DPF3: variants seen among roughly 807,000 people sequenced by gnomAD.
DPF3 encodes the protein zinc finger protein DPF3.
In DPF3, 18 loss-of-function variants were observed where a neutral mutation model predicts 56.8. The ratio of observed to expected loss-of-function variants is 0.32; its 90% CI spans 0.22 to 0.47. The LOEUF is 0.47. Among genes scored for constraint, DPF3 ranks in the 20% least tolerant of loss-of-function variants. The pLI is 1.00. For synonymous variants in DPF3, 188 were observed against 180.2 expected (o/e 1.04, Z -0.35); for missense variants, 403 against 488.8 (o/e 0.82, Z 1.65).
Position 72,686,105 on chromosome 14 carries a change from G to C in DPF3, c.742+6971C>G, listed in dbSNP as rs539425528. Among the ~76,000 whole-genome samples the C allele has an allele frequency of 3.3e-5, 5 of 152,354 alleles. No individual in the cohort carries two copies. The South Asian group carries it at 1.0e-3, about 32-fold the overall frequency. On this transcript the variant is annotated intron_variant, in intron 7 of 10. Coordinates refer to ENST00000556509, the MANE Select transcript of DPF3 (RefSeq NM_001280542.3). ...CTTAATAAATATTCATAATGAGCCT[G>C]TTCAGAAGGATCTGTGTCCCATATC...
At position 72,768,458 on chromosome 14, in the gene DPF3, T is replaced by C. The variant is rs1271817299; in HGVS notation, c.193+3275A>G. On this transcript the variant is annotated intron_variant, in intron 2 of 10. Transcript: ENST00000556509. The stretch of plus-strand genomic sequence containing the variant: ...AAGTGGTTACACAAATCTAGACATG[T>C]GATAAAATGGCATAAAGCTACATAT... 2.0e-5 allele frequency among the ~76,000 whole-genome samples: 3 copies of C among 152,222 alleles called. 1 individual carries two copies. The highest frequency in any genetic ancestry group is 2.0e-4 in the Admixed American group (3 of 15,282).
intron 3 of DPF3, among the ~76,000 whole-genome samples, chr14:72,737,274 C>A (rs1889930137): frequency 6.6e-6 from 1 of 151,924 alleles, no homozygotes; most frequent in Non-Finnish European, 1.5e-5. Context: ...CTCTTTAGGG[C>A]TACAGACAGG....
chr14:72,720,448 T>C (rs948473751), intron 5 of DPF3, among the ~76,000 whole-genome samples: 2 of 152,198 alleles, frequency 1.3e-5, no homozygotes, highest in Non-Finnish European at 2.9e-5. Context: ...GGTCCTTCCA[T>C]GGCTCCGTGC....
intron 1 of DPF3, among the ~76,000 whole-genome samples, chr14:72,813,226 G>A (rs529918214): frequency 7.9e-5 from 12 of 152,164 alleles, no homozygotes; most frequent in Non-Finnish European, 1.6e-4. Flanking sequence ...AAATAGGGCT[G>A]GTGAAGAATT....
intron 10 of DPF3, 114 bp from the exon 11 acceptor site, chr14:72,619,481 ACC>A: frequency 8.2e-7 from 1 of 1,212,218 alleles, no homozygotes; most frequent in Non-Finnish European, 1.2e-6. Context: ...CAATGCAGAA[ACC>A]AAGTCCCAGG....
intron 1 of DPF3, among the ~76,000 whole-genome samples, chr14:72,833,931 C>T (rs930575461): frequency 6.6e-6 from 1 of 152,082 alleles, no homozygotes; most frequent in Non-Finnish European, 1.5e-5. Flanking sequence ...CCTGTAATCC[C>T]AGCACTTTGG....
chr14:72,881,719 A>T (rs1263876229), intron 1 of DPF3, among the ~76,000 whole-genome samples: 1 of 152,086 alleles, frequency 6.6e-6, no homozygotes, highest in Admixed American at 6.5e-5. Context: ...ATCTCCATGC[A>T]CTGCTGAGCC....
At chr14:72,862,348 G>A (rs1228467926) in intron 1 of DPF3, among the ~76,000 whole-genome samples, 1 of 152,056 alleles carries the variant, frequency 6.6e-6, no homozygotes, top group African/African-American at 2.4e-5. Context: ...ACAATCCACC[G>A]TCTCATCTTC....
intron 8 of DPF3, among the ~76,000 whole-genome samples, chr14:72,665,222 T>C (rs1343646628): frequency 6.6e-6 from 1 of 152,224 alleles, no homozygotes; most frequent in African/African-American, 2.4e-5. Context: ...TGTGAATTTC[T>C]AGTCTGATCC....
chr14:72,892,208 T>G, intron 1 of DPF3: 1 of 1,535,464 alleles, frequency 6.5e-7, no homozygotes, highest in Non-Finnish European at 8.7e-7. Flanking sequence ...AGCCCGGTTA[T>G]GTGATTTCGG....
At chr14:72,840,488 A>G (rs762417306) in intron 1 of DPF3, among the ~76,000 whole-genome samples, 1 of 152,096 alleles carries the variant, frequency 6.6e-6, no homozygotes, top group Admixed American at 6.6e-5. Context: ...TTAACATCTT[A>G]GTTTGTATCC....
At chr14:72,843,272 A>G (rs954983756) in intron 1 of DPF3, among the ~76,000 whole-genome samples, 5 of 152,212 alleles carry the variant, frequency 3.3e-5, no homozygotes, top group African/African-American at 1.2e-4. Context: ...CCAGGTAATT[A>G]GTCCAACACA....
intron 3 of DPF3, among the ~76,000 whole-genome samples, chr14:72,750,158 T>C (rs1008748659): frequency 7.9e-5 from 12 of 152,216 alleles, no homozygotes; most frequent in African/African-American, 2.9e-4. Context: ...AAAGTTTCTT[T>C]AAGTTAGTAT....
At chr14:72,641,079 G>A (rs1255142505) in intron 8 of DPF3, among the ~76,000 whole-genome samples, 2 of 152,106 alleles carry the variant, frequency 1.3e-5, no homozygotes, top group Non-Finnish European at 2.9e-5. Flanking sequence ...GAGGAAGGGT[G>A]GCACCACCAT....
chr14:72,758,147 TTAAAA>T (rs767891682), intron 2 of DPF3, among the ~76,000 whole-genome samples: 1 of 152,010 alleles, frequency 6.6e-6, no homozygotes, highest in Non-Finnish European at 1.5e-5. Flanking sequence ...TAAAATTAAA[TTAAAA>T]TAAAAAGCAT....
chr14:72,812,483 G>A (rs1382972779), intron 1 of DPF3, among the ~76,000 whole-genome samples: 2 of 152,118 alleles, frequency 1.3e-5, no homozygotes, highest in East Asian at 1.9e-4. Context: ...CAACATCCTC[G>A]GCAAGTCTGG....
chr14:72,723,142 C>T lies in DPF3; in HGVS notation c.525+491G>A, dbSNP rs559472300. ...TGTTGGTGTGCTGCACCTATTAACT[C>T]GTAATTTAATATTAGGTATATCTCC... On this transcript the variant is annotated intron_variant, in intron 5 of 10. Transcript: ENST00000556509. Among the ~76,000 whole-genome samples, 18 of 152,002 alleles carry T rather than the reference C, an allele frequency of 1.2e-4. No individual in the cohort carries two copies. In the East Asian group the frequency reaches 3.3e-3, roughly 28 times the overall value.
intron 1 of DPF3, among the ~76,000 whole-genome samples, chr14:72,864,981 A>T (rs1301743550): frequency 6.6e-6 from 1 of 152,186 alleles, no homozygotes; most frequent in Non-Finnish European, 1.5e-5. Context: ...GGAGCCAAAG[A>T]TGATGCTCAG....
chr14:72,834,824 AT>A (rs1282132727), intron 1 of DPF3, among the ~76,000 whole-genome samples: 3 of 152,218 alleles, frequency 2.0e-5, no homozygotes, highest in Non-Finnish European at 4.4e-5. Flanking sequence ...GAATAGGTAA[AT>A]CAAATGTGGC....
Sources: allele counts gnomAD v4.1 joint callset (sites outside exome capture counted in the v4.1 genomes callset), GRCh38; gene constraint gnomAD v4.1.1; transcripts MANE v1.5; gene names NCBI Gene and HGNC (gene_info 2026-07-23, HGNC 2026-07-21).